The following BRAP variants were observed in gnomAD, a reference collection of about 807,000 sequenced individuals.
BRAP encodes the protein BRCA1 associated protein, also known as BRCA1-associated protein.
BRAP carries 42 observed loss-of-function variants against 73.4 expected under a neutral mutation model. The ratio of observed to expected loss-of-function variants is 0.57; its 90% CI spans 0.45 to 0.74. The LOEUF is 0.74. Among genes scored for constraint, BRAP ranks in the 30% least tolerant of loss-of-function variants. The probability of loss-of-function intolerance (pLI) is 0.00; values close to 1 mark genes in which losing one functional copy is unlikely to be tolerated. For missense variants in BRAP, 593 were observed against 751.4 expected (o/e 0.79, Z 2.46); for synonymous variants, 255 against 267.4 (o/e 0.95, Z 0.45).
intron 11 of BRAP, among the ~76,000 whole-genome samples, chr12:111,648,095 C>T (rs954639282): frequency 2.0e-5 from 3 of 151,716 alleles, no homozygotes; most frequent in Non-Finnish European, 2.9e-5. Context: ...GTCAAGAGAT[C>T]GAGACCATCC....
intron 3 of BRAP, 139 bp from the exon 4 acceptor site, chr12:111,679,479 C>T (rs191785006): frequency 1.4e-5 from 7 of 509,070 alleles, no homozygotes; most frequent in Admixed American, 4.3e-5. Context: ...TATATTATAC[C>T]CCCCATTGGA....
intron 4 of BRAP, among the ~76,000 whole-genome samples, chr12:111,678,224 G>T (rs1887459286): frequency 6.8e-6 from 1 of 147,936 alleles, no homozygotes; most frequent in Non-Finnish European, 1.5e-5. Flanking sequence ...ACTCCAGCCT[G>T]GGCAACAAGA....
chr12:111,660,174 AT>A (rs369372679), intron 7 of BRAP, among the ~76,000 whole-genome samples: 2,565 of 149,206 alleles, frequency 0.017, 79 homozygotes, highest in African/African-American at 0.059. Flanking sequence ...TTTATGGGTC[AT>A]TTTTTTTTTG....
intron 4 of BRAP, among the ~76,000 whole-genome samples, chr12:111,674,812 T>A (rs1887315872): frequency 6.6e-6 from 1 of 152,166 alleles, no homozygotes. Context: ...CTTGAAATGC[T>A]TTTGGCTAAG....
chr12:111,673,492 G>A (rs570066536), intron 4 of BRAP, among the ~76,000 whole-genome samples: 13 of 125,054 alleles, frequency 1.0e-4, no homozygotes, highest in Admixed American at 7.4e-4. Flanking sequence ...CAACAAGAGC[G>A]AAACTTCATC....
At position 111,646,712 on chromosome 12, in the gene BRAP, G is replaced by A. The variant is rs188207775; in HGVS notation, c.1416-2150C>T. Reference sequence around the variant, plus strand: ...TGCTTGAACCCTAGAGGCGGAGGCTGCAGTGAGTCGAGATCGTGCCACTGC... The same window carrying A: ...TGCTTGAACCCTAGAGGCGGAGGCTACAGTGAGTCGAGATCGTGCCACTGC... On this transcript the variant is annotated intron_variant, in intron 11 of 11. Coordinates refer to ENST00000419234, the MANE Select transcript of BRAP (RefSeq NM_006768.5). Among the ~76,000 whole-genome samples the A allele has an allele frequency of 8.2e-4, 125 of 152,298 alleles. 1 individual carries two copies. Among genetic ancestry groups the A allele is most frequent in the African/African-American group, 2.9e-3 (120 of 41,574 alleles).
At chr12:111,670,350 C>A (rs1887118428) in intron 5 of BRAP, 3 of 453,818 alleles carry the variant, frequency 6.6e-6, no homozygotes, top group South Asian at 1.9e-5. Context: ...GACTTTTCAG[C>A]CTTCTTCTCT....
At chr12:111,681,603 T>C in intron 3 of BRAP, 34 bp downstream of exon 3, 1 of 1,189,444 alleles carries the variant, frequency 8.4e-7, no homozygotes, top group South Asian at 1.7e-5. Context: ...AAAAAAAAAA[T>C]TGACTAACCC....
intron 11 of BRAP, 128 bp from the exon 12 acceptor site, chr12:111,644,690 G>C: frequency 1.5e-6 from 2 of 1,373,970 alleles, no homozygotes; most frequent in Non-Finnish European, 2.0e-6. Flanking sequence ...TTCTCCCATC[G>C]TGAGGGAGAA....
rs1195776402 is a variant in BRAP at position 111,683,216 on chromosome 12, C to T, written c.174G>A (p.Ala58=). ...LEGKSPGEKV[A]IIHQHLGRRE... ...GACGGCCGAGATGCTGATGGATAAT[C>T]GCTACTTTCTCTCCTGGTGACTTGC... Residue 58 remains alanine, a synonymous_variant, in exon 2 of 12, where the codon GCG becomes GCA. Transcript: ENST00000419234. 18 of 1,614,030 alleles carry T rather than the reference C, an allele frequency of 1.1e-5. 1 individual carries two copies. The highest frequency in any genetic ancestry group is 8.0e-5 in the African/African-American group (6 of 74,920).
In BRAP at chr12:111,660,354, T is replaced by A. The variant is rs181567141; in HGVS notation, c.972+246A>T. Among the ~76,000 whole-genome samples the A allele has an allele frequency of 5.5e-3, 836 of 151,898 alleles. 9 individuals are homozygous for A. The highest frequency in any genetic ancestry group is 0.019 in the African/African-American group (787 of 41,442). ...CAACCCTAGACAAAAAGAAAAAAAA[T>A]TTTAAAGAATTTAGGCTGGGTGCAG... On this transcript the variant is annotated intron_variant, in intron 7 of 11. Transcript: ENST00000419234.
At chr12:111,685,594 G>A (rs1887791612) in intron 1 of BRAP, 117 bp downstream of exon 1, 1 of 1,388,382 alleles carries the variant, frequency 7.2e-7, no homozygotes, top group African/African-American at 1.5e-5. Flanking sequence ...TTACCTCTCC[G>A]TGTCTTCCTG....
chr12:111,660,777 T>C (rs527329895), intron 6 of BRAP, 102 bp from the exon 7 acceptor site: 24 of 828,798 alleles, frequency 2.9e-5, no homozygotes, highest in Non-Finnish European at 4.2e-5. Flanking sequence ...CCTCCTCTTA[T>C]ATGCTATTTT....
intron 4 of BRAP, among the ~76,000 whole-genome samples, chr12:111,673,510 G>GAAAAAAAA (rs11350832): frequency 3.3e-4 from 39 of 118,138 alleles, no homozygotes; most frequent in East Asian, 4.8e-4. Flanking sequence ...ATCTCAAAAA[G>GAAAAAAAA]AAAAAAAAAA....
chr12:111,674,031 T>G (rs550265475), intron 4 of BRAP, among the ~76,000 whole-genome samples: 2 of 152,330 alleles, frequency 1.3e-5, no homozygotes, highest in South Asian at 4.1e-4. Flanking sequence ...GCTTTGGCCC[T>G]ACCAACATTG....
intron 10 of BRAP, among the ~76,000 whole-genome samples, chr12:111,653,925 CA>C (rs1592972084): frequency 2.0e-5 from 3 of 152,336 alleles, no homozygotes. Flanking sequence ...TAAAAGCAAA[CA>C]TAAGTTTCAG....
intron 6 of BRAP, 137 bp from the exon 7 acceptor site, chr12:111,660,812 A>G: frequency 1.8e-6 from 1 of 561,230 alleles, no homozygotes; most frequent in Admixed American, 3.2e-5. Context: ...ATATCACTTA[A>G]AATAAAATAT....
At chr12:111,659,936 T>C (rs900710594) in intron 7 of BRAP, among the ~76,000 whole-genome samples, 1 of 152,144 alleles carries the variant, frequency 6.6e-6, no homozygotes, top group South Asian at 2.1e-4. Flanking sequence ...TACTAGGCCA[T>C]GGTGGCATGC....
chr12:111,676,296 T>C (rs1887377312), intron 4 of BRAP, among the ~76,000 whole-genome samples: 2 of 151,856 alleles, frequency 1.3e-5, no homozygotes, highest in South Asian at 4.2e-4. Flanking sequence ...AAAAACATAG[T>C]TAGGTGCCCA....
Sources: allele counts gnomAD v4.1 joint callset (sites outside exome capture counted in the v4.1 genomes callset), GRCh38; gene constraint gnomAD v4.1.1; transcripts MANE v1.5; gene names NCBI Gene and HGNC (gene_info 2026-07-23, HGNC 2026-07-21).